Variants in DNM3 observed in about 807,000 individuals in gnomAD.
DNM3 encodes the protein dynamin-3.
Under a neutral mutation model 101.6 loss-of-function variants are expected in DNM3, and 47 were observed. The observed-to-expected ratio is 0.46, with a 90% CI of 0.37 to 0.59. DNM3 has a LOEUF of 0.59. Ranked by LOEUF, DNM3 falls within the 20% of genes least tolerant of loss-of-function variation. The probability of loss-of-function intolerance (pLI) is 0.00; values close to 1 mark genes in which losing one functional copy is unlikely to be tolerated. For missense variants in DNM3, 849 were observed against 1,085.7 expected (o/e 0.78, Z 3.06); for synonymous variants, 385 against 387.9 (o/e 0.99, Z 0.09).
chr1:172,283,946 G>T (rs1400281354), intron 15 of DNM3, among the ~76,000 whole-genome samples: 1 of 151,958 alleles, frequency 6.6e-6, no homozygotes, highest in Admixed American at 6.6e-5. Flanking sequence ...TTTCGTTGTG[G>T]TTAAAAATGT....
intron 11 of DNM3, among the ~76,000 whole-genome samples, chr1:172,069,811 C>A (rs1490262602): frequency 6.6e-6 from 1 of 152,112 alleles, no homozygotes; most frequent in Non-Finnish European, 1.5e-5. Context: ...GGTCTATATG[C>A]TCTCTGAAAG....
chr1:171,907,627 T>G (rs2125258829), intron 1 of DNM3, among the ~76,000 whole-genome samples: 1 of 152,318 alleles, frequency 6.6e-6, no homozygotes, highest in East Asian at 1.9e-4. Flanking sequence ...TTTCTTTCTC[T>G]CTGACCTAAT....
At chr1:172,008,619 C>T (rs2046859266) in intron 4 of DNM3, among the ~76,000 whole-genome samples, 3 of 148,290 alleles carry the variant, frequency 2.0e-5, no homozygotes, top group Admixed American at 1.4e-4. Context: ...AAGTAAGAGT[C>T]AAAGTTCATT....
chr1:171,895,910 T>G (rs1460432677), intron 1 of DNM3, among the ~76,000 whole-genome samples: 5 of 152,130 alleles, frequency 3.3e-5, no homozygotes, highest in South Asian at 2.1e-4. Flanking sequence ...TTTCCCCATT[T>G]CTTGTTTTTG....
At chr1:172,322,327 C>T (rs1383515791) in intron 16 of DNM3, among the ~76,000 whole-genome samples, 1 of 152,174 alleles carries the variant, frequency 6.6e-6, no homozygotes, top group Non-Finnish European at 1.5e-5. Flanking sequence ...TGTGTCTCAG[C>T]GAGAAATTCC....
At chr1:172,282,645 G>A (rs1457365846) in intron 15 of DNM3, among the ~76,000 whole-genome samples, 1 of 152,132 alleles carries the variant, frequency 6.6e-6, no homozygotes, top group Non-Finnish European at 1.5e-5. Context: ...TTCCAGATGG[G>A]ATATCTCTGT....
chr1:172,192,919 A>G (rs1001377846), intron 14 of DNM3, among the ~76,000 whole-genome samples: 1 of 151,160 alleles, frequency 6.6e-6, no homozygotes, highest in African/African-American at 2.4e-5. Flanking sequence ...GTCAAATGGT[A>G]TTTCTAGTTC....
intron 14 of DNM3, among the ~76,000 whole-genome samples, chr1:172,181,657 A>G (rs570704751): frequency 6.6e-6 from 1 of 152,226 alleles, no homozygotes; most frequent in Non-Finnish European, 1.5e-5. Flanking sequence ...CACACAATTA[A>G]TCTCACAAAT....
chr1:172,013,547 C>T (rs1318809703), intron 4 of DNM3, among the ~76,000 whole-genome samples: 1 of 151,950 alleles, frequency 6.6e-6, no homozygotes, highest in East Asian at 1.9e-4. Context: ...TATAAGCAGG[C>T]TCCTAGTGTT....
chr1:172,141,129 G>A (rs1468827489), intron 14 of DNM3, among the ~76,000 whole-genome samples: 1 of 152,022 alleles, frequency 6.6e-6, no homozygotes, highest in African/African-American at 2.4e-5. Context: ...GAAACTGGCT[G>A]TCACGCTAAG....
At chr1:172,137,322 T>C (rs931912756) in intron 14 of DNM3, 2 of 152,190 alleles carry the variant, frequency 1.3e-5, no homozygotes, top group African/African-American at 4.8e-5. Context: ...GGGACTTTTA[T>C]TTAAGGCAAA....
chr1:172,269,466 A>G (rs563343949), intron 15 of DNM3, among the ~76,000 whole-genome samples: 13 of 152,340 alleles, frequency 8.5e-5, no homozygotes, highest in South Asian at 4.1e-4. Context: ...CAGAAAAAAT[A>G]TGATCAATTC....
chr1:171,959,421 C>A (rs1473898884), intron 2 of DNM3, among the ~76,000 whole-genome samples: 2 of 152,186 alleles, frequency 1.3e-5, no homozygotes, highest in Admixed American at 1.3e-4. Context: ...TAAATAGAGA[C>A]AACTAGAGGT....
chr1:172,232,068 T>G (rs554492280), intron 14 of DNM3, among the ~76,000 whole-genome samples: 498 of 152,226 alleles, frequency 3.3e-3, no homozygotes, highest in Non-Finnish European at 5.8e-3. Flanking sequence ...ATGGGCTAAA[T>G]GCTCCAATTA....
chr1:172,176,978 G>A (rs768292249), intron 14 of DNM3, among the ~76,000 whole-genome samples: 1 of 151,788 alleles, frequency 6.6e-6, no homozygotes, highest in Non-Finnish European at 1.5e-5. Flanking sequence ...TATGAATATA[G>A]GAAGGGAAAG....
At chr1:171,850,136 A>G (rs528423073) in intron 1 of DNM3, among the ~76,000 whole-genome samples, 2 of 152,368 alleles carry the variant, frequency 1.3e-5, no homozygotes, top group Admixed American at 6.5e-5. Flanking sequence ...TCTGAGCCCA[A>G]GGAAACCATC....
intron 14 of DNM3, among the ~76,000 whole-genome samples, chr1:172,195,487 C>T (rs915466723): frequency 3.3e-5 from 5 of 151,806 alleles, no homozygotes; most frequent in African/African-American, 9.7e-5. Flanking sequence ...GAGGGGACAT[C>T]CTTGCCCTCT....
At chr1:172,416,990 A>G (rs2071450079), downstream of DNM3, among the ~76,000 whole-genome samples, 1 of 152,162 alleles carries the variant, frequency 6.6e-6, no homozygotes, top group African/African-American at 2.4e-5. Flanking sequence ...GGAAGCTAAG[A>G]TCATTTTTTA....
chr1:172,356,759 T>C lies in DNM3; in HGVS notation c.1894-22259T>C, dbSNP rs533740408. ...TGACTTTTTACCACTAGGAGAGTTA[T>C]GTACTCACTGTGACTCACAGAAAAA... is the stretch of plus-strand genomic sequence containing the variant. On this transcript the variant is annotated intron_variant, in intron 17 of 20. Transcript: ENST00000627582. Among the ~76,000 whole-genome samples, 7 of 152,174 alleles carry C rather than the reference T, an allele frequency of 4.6e-5. No individual in the cohort carries two copies. In the East Asian group the frequency reaches 1.2e-3, roughly 25 times the overall value.
Sources: gnomAD v4.1 joint callset for allele counts (sites outside exome capture counted in the v4.1 genomes callset) on GRCh38, gnomAD v4.1.1 for gene constraint, MANE v1.5 for transcripts, NCBI Gene and HGNC (gene_info 2026-07-23, HGNC 2026-07-21) for gene names.